The following DNAAF9 variants were observed in gnomAD, a reference collection of about 807,000 sequenced individuals.
DNAAF9 encodes the protein dynein axonemal assembly factor 9.
A neutral mutation model predicts 167.0 loss-of-function variants in DNAAF9; 90 were observed. The ratio of observed to expected loss-of-function variants is 0.54; its 90% CI spans 0.45 to 0.64. The LOEUF is 0.64. DNAAF9 is among the 30% of genes least tolerant of loss of function. DNAAF9 has a pLI of 0.00. For synonymous variants in DNAAF9, 491 were observed against 508.8 expected (o/e 0.96, Z 0.47); for missense variants, 1,315 against 1,442.2 (o/e 0.91, Z 1.43).
At chr20:3,381,642 C>A in intron 2 of DNAAF9, 144 bp from the exon 3 acceptor site, 1 of 657,996 alleles carries the variant, frequency 1.5e-6, no homozygotes, top group Non-Finnish European at 2.4e-6. Context: ...CCAAGCTAAC[C>A]AATTCTGTGA....
intron 3 of DNAAF9, among the ~76,000 whole-genome samples, chr20:3,380,164 A>T (rs1475757194): frequency 6.6e-6 from 1 of 152,220 alleles, no homozygotes; most frequent in Non-Finnish European, 1.5e-5. Context: ...GGCTGAGGTG[A>T]AACGTGTGGC....
intron 1 of DNAAF9, among the ~76,000 whole-genome samples, chr20:3,402,955 T>C (rs1261564000): frequency 1.3e-5 from 2 of 152,220 alleles, no homozygotes; most frequent in African/African-American, 4.8e-5. Flanking sequence ...TGGAAACGTA[T>C]GTCCTTTGGT....
chr20:3,269,673 G>A (rs2068556408), intron 30 of DNAAF9, among the ~76,000 whole-genome samples: 2 of 152,190 alleles, frequency 1.3e-5, no homozygotes, highest in African/African-American at 4.8e-5. Flanking sequence ...AAAGCACTTC[G>A]GCCAGGCGTG....
chr20:3,386,642 C>A (rs1248904100), intron 1 of DNAAF9, among the ~76,000 whole-genome samples: 1 of 151,916 alleles, frequency 6.6e-6, no homozygotes, highest in African/African-American at 2.4e-5. Context: ...TAGTTTTGCT[C>A]TATGAAAGAC....
intron 7 of DNAAF9, among the ~76,000 whole-genome samples, chr20:3,356,121 G>C (rs961024875): frequency 1.3e-5 from 2 of 152,124 alleles, no homozygotes; most frequent in Non-Finnish European, 2.9e-5. Flanking sequence ...GGGTTCAAGT[G>C]ATTCTCCTGC....
At chr20:3,371,812 G>T (rs1382830280) in intron 6 of DNAAF9, among the ~76,000 whole-genome samples, 1 of 152,082 alleles carries the variant, frequency 6.6e-6, no homozygotes, top group Non-Finnish European at 1.5e-5. Flanking sequence ...TTATTTAGAG[G>T]TTTGCTATTA....
chr20:3,370,811 T>C (rs984842061), intron 6 of DNAAF9, among the ~76,000 whole-genome samples: 2 of 152,252 alleles, frequency 1.3e-5, no homozygotes, highest in African/African-American at 4.8e-5. Context: ...CTAGGCTTGA[T>C]TACAAGTGTG....
At chr20:3,327,100 G>A (rs1160164182) in intron 12 of DNAAF9, among the ~76,000 whole-genome samples, 3 of 152,168 alleles carry the variant, frequency 2.0e-5, no homozygotes, top group Admixed American at 2.0e-4. Context: ...ACTGAGGAAG[G>A]GCTGGGTTTT....
At position 3,298,097 on chromosome 20, in the gene DNAAF9, C is replaced by T. The variant is rs1484988211; in HGVS notation, c.1861G>A (p.Gly621Arg). Residue 621 changes from glycine (G) to arginine (R), a missense_variant, in exon 22 of 37, where the codon GGA becomes AGA. By Grantham distance (125) the Gly-to-Arg change is moderately radical (BLOSUM62 -2). Around this residue, in one of 2 missense-constraint regions of DNAAF9, gnomAD observed 981 missense variants for 1,012.5 expected, o/e 0.97. Coordinates refer to ENST00000252032, the MANE Select transcript of DNAAF9 (RefSeq NM_001009984.3). ...GCAATCATCAGAAAATTGCTTGATCCATGGAAATGAACTGGGAGGTGAGGA... is the reference window on the plus strand; with the variant it reads ...GCAATCATCAGAAAATTGCTTGATCTATGGAAATGAACTGGGAGGTGAGGA... ...LLPHLPVHFHGSSNFLMIALF... is the reference protein window; with the variant it reads ...LLPHLPVHFHRSSNFLMIALF... 1.9e-6 allele frequency: 3 copies of T among 1,612,630 alleles called. No homozygotes were observed. Among genetic ancestry groups the T allele is most frequent in the Non-Finnish European group, 2.5e-6 (3 of 1,178,680 alleles).
At chr20:3,276,053 T>C (rs1479770764) in intron 29 of DNAAF9, among the ~76,000 whole-genome samples, 1 of 152,208 alleles carries the variant, frequency 6.6e-6, no homozygotes, top group Non-Finnish European at 1.5e-5. Flanking sequence ...ATTTCTATAA[T>C]ACACATTGTC....
chr20:3,375,826 C>T (rs922410544), intron 4 of DNAAF9, among the ~76,000 whole-genome samples: 9 of 151,098 alleles, frequency 6.0e-5, no homozygotes, highest in Non-Finnish European at 7.4e-5. Context: ...CCAGCCTGGG[C>T]GACAGAGTGA....
rs985827054 is a variant in DNAAF9, at chr20:3,371,436, C to T, written c.612+2612G>A. Among the ~76,000 whole-genome samples, 14 of 145,168 alleles carry T rather than the reference C, an allele frequency of 9.6e-5. No homozygotes were observed. The South Asian group carries it at 1.1e-3, about 12-fold the overall frequency. On this transcript the variant is annotated intron_variant, in intron 6 of 36. Transcript: ENST00000252032. ...TCGGCTCACTGCAAGCTCCGCCTCCCGGGTTCCCGCCATTCTCCTGCCTCA... is the reference window on the plus strand; with the variant it reads ...TCGGCTCACTGCAAGCTCCGCCTCCTGGGTTCCCGCCATTCTCCTGCCTCA...
chr20:3,296,161 C>T lies in DNAAF9; in HGVS notation c.2018+700G>A, dbSNP rs1043753673. 6.7e-6 allele frequency: 4 copies of T among 600,508 alleles called. No individual in the cohort carries two copies. The East Asian group carries it at 1.6e-4, about 24-fold the overall frequency. The allele number at this position is 600,508 out of a possible 1,614,324, so 37.2% of individuals were successfully genotyped here. A position where few individuals can be genotyped will look rare whatever the true frequency, so the allele number is the denominator to read the frequency against. On this transcript the variant is annotated intron_variant, in intron 23 of 36. Transcript: ENST00000252032. The stretch of plus-strand genomic sequence containing the variant: ...CTTCAAGTTCTGCAACCTCTGTAGT[C>T]CCACCTGCTAAGCGGGAGGATAACC...
intron 21 of DNAAF9, among the ~76,000 whole-genome samples, chr20:3,300,329 T>C (rs2069162342): frequency 6.6e-6 from 1 of 152,202 alleles, no homozygotes; most frequent in Non-Finnish European, 1.5e-5. Flanking sequence ...ATGTTTTTCC[T>C]TCATTTAGGT....
In DNAAF9 at chr20:3,315,797, A is replaced by G. The variant is rs1184066565; in HGVS notation, c.1540-12T>C. ...TCATTATCTTCCACCTGTGTCCAAAAGGAATGCAGATTTTCAGTCAACTAC... is the reference window on the plus strand; with the variant it reads ...TCATTATCTTCCACCTGTGTCCAAAGGGAATGCAGATTTTCAGTCAACTAC... On this transcript the variant is annotated splice_polypyrimidine_tract_variant and intron_variant, in intron 18 of 36. Coordinates refer to ENST00000252032, the MANE Select transcript of DNAAF9 (RefSeq NM_001009984.3). This position sits in a 1 kb window ranked among gnomAD's most constrained non-coding sequence, Gnocchi z 4.1. 1 of 1,610,860 alleles carries G rather than the reference A, an allele frequency of 6.2e-7. No homozygotes were observed. The highest frequency in any genetic ancestry group is 1.1e-5 in the South Asian group (1 of 91,012).
In DNAAF9 at chr20:3,310,341, G is replaced by GAAA. The variant is rs767209371; in HGVS notation, c.1678+4689_1678+4691dup. ...GAAAGGAAAGAGAAAGAAAAAGAAA[G>GAAA]AAAGAAAGAAAGAAAGAAAGAAAGA... On this transcript the variant is annotated intron_variant, in intron 20 of 36. Coordinates refer to ENST00000252032, the MANE Select transcript of DNAAF9 (RefSeq NM_001009984.3). Among the ~76,000 whole-genome samples the GAAA allele has an allele frequency of 3.4e-3, 475 of 138,254 alleles. 2 individuals are homozygous for GAAA. The highest frequency in any genetic ancestry group is 6.9e-3 in the African/African-American group (256 of 37,144). 90.7% of individuals were successfully genotyped at this position (138,254 alleles called of 152,430 possible). A position where few individuals can be genotyped will look rare whatever the true frequency, so the allele number is the denominator to read the frequency against.
At chr20:3,280,682 C>T (rs1349315172) in intron 28 of DNAAF9, among the ~76,000 whole-genome samples, 2 of 151,966 alleles carry the variant, frequency 1.3e-5, no homozygotes, top group Non-Finnish European at 2.9e-5. Context: ...GTAGCATGAA[C>T]ACAGCTCACT....
At position 3,287,010 on chromosome 20, in the gene DNAAF9, T is replaced by C. The variant is rs568984943; in HGVS notation, c.2486+622A>G. On this transcript the variant is annotated intron_variant, in intron 27 of 36. Transcript: ENST00000252032. Reference sequence around the variant, plus strand: ...CTTAGAACAGGTCAAAAGAAACTCCTTTCAGCCAGGGTCCCCTGGAGCAGT... The same window carrying C: ...CTTAGAACAGGTCAAAAGAAACTCCCTTCAGCCAGGGTCCCCTGGAGCAGT... Among the ~76,000 whole-genome samples, 309 of 152,298 alleles carry C rather than the reference T, an allele frequency of 2.0e-3. 1 individual carries two copies. Among genetic ancestry groups the C allele is most frequent in the Non-Finnish European group, 3.1e-4 (21 of 68,032 alleles).
intron 1 of DNAAF9, chr20:3,384,268 T>G (rs546408135): frequency 3.3e-5 from 5 of 152,352 alleles, no homozygotes; most frequent in African/African-American, 2.4e-5. Context: ...AGTTCATTAT[T>G]AGAGAGGTCT....
Sources: gnomAD v4.1 joint callset for allele counts (sites outside exome capture counted in the v4.1 genomes callset) on GRCh38, gnomAD v4.1.1 for gene constraint, gnomAD v4.1.1 regional missense constraint, Gnocchi (gnomAD v3.1) non-coding constraint, MANE v1.5 for transcripts, NCBI Gene and HGNC (gene_info 2026-07-23, HGNC 2026-07-21) for gene names.